The following UBR2 variants were observed in gnomAD, a reference collection of about 807,000 sequenced individuals.
UBR2 encodes the protein ubiquitin protein ligase E3 component n-recognin 2, also known as E3 ubiquitin-protein ligase UBR2.
UBR2 carries 92 observed loss-of-function variants against 247.9 expected under a neutral mutation model. That is an observed-to-expected ratio of 0.37 (90% confidence interval 0.31 to 0.44). The LOEUF (loss-of-function observed/expected upper bound fraction) is 0.44, where lower values mean the gene tolerates loss of function less well. Among genes scored for constraint, UBR2 ranks in the 20% least tolerant of loss-of-function variants. The probability of loss-of-function intolerance (pLI) is 1.00; values close to 1 mark genes in which losing one functional copy is unlikely to be tolerated. For synonymous variants in UBR2, 672 were observed against 693.5 expected (o/e 0.97, Z 0.49); for missense variants, 1,613 against 2,112.6 (o/e 0.76, Z 4.64).
rs1236290639 is a variant in UBR2 at position 42,691,669 on chromosome 6, T to C, written c.*496T>C. On this transcript the variant is annotated 3_prime_UTR_variant, in exon 47 of 47. Transcript: ENST00000372901. ...GCAAAGTGGTTGATTTTGAAGGCAG[T>C]GTTCCCTTCTCTCCATTGACTATGA... 6.0e-6 allele frequency: 1 copy of C among 166,460 alleles called. No individual in the cohort carries two copies. The highest frequency in any genetic ancestry group is 1.3e-5 in the Non-Finnish European group (1 of 78,274). The allele number at this position is 166,460 out of a possible 1,614,324, so 10.3% of individuals were successfully genotyped here.
intron 11 of UBR2, among the ~76,000 whole-genome samples, chr6:42,629,457 C>T (rs1795562362): frequency 6.6e-6 from 1 of 152,120 alleles, no homozygotes; most frequent in Non-Finnish European, 1.5e-5. Context: ...ACTTCAAGAT[C>T]AGCCTAGACA....
chr6:42,682,036 T>C (rs1403739706), intron 42 of UBR2, among the ~76,000 whole-genome samples: 1 of 152,184 alleles, frequency 6.6e-6, no homozygotes, highest in Non-Finnish European at 1.5e-5. Context: ...ATTACGCCAC[T>C]GCACTCCAGC....
intron 15 of UBR2, among the ~76,000 whole-genome samples, chr6:42,639,876 T>A (rs1796316066): frequency 6.6e-6 from 1 of 151,828 alleles, no homozygotes; most frequent in Non-Finnish European, 1.5e-5. Context: ...AAAGCCTCTT[T>A]TATTAGCCGG....
chr6:42,573,718 T>C lies in UBR2; in HGVS notation c.79-16T>C, dbSNP rs768902473. 3 of 1,497,196 alleles carry C rather than the reference T, an allele frequency of 2.0e-6. No individual in the cohort carries two copies. The highest frequency in any genetic ancestry group is 2.7e-6 in the Non-Finnish European group (3 of 1,119,762). The allele number at this position is 1,497,196 out of a possible 1,614,324, so 92.7% of individuals were successfully genotyped here. On this transcript the variant is annotated splice_polypyrimidine_tract_variant and intron_variant, in intron 1 of 46. Coordinates refer to ENST00000372901, the MANE Select transcript of UBR2 (RefSeq NM_001363705.2). ...TTGGTGTTTAAAACCATTTCTTCTC[T>C]TTTCTTCTTTTAAAGAAATGGCTGC...
At chr6:42,632,085 T>TAC (rs1394893568) in intron 11 of UBR2, among the ~76,000 whole-genome samples, 1 of 145,526 alleles carries the variant, frequency 6.9e-6, no homozygotes, top group African/African-American at 2.5e-5. Flanking sequence ...TATATATATA[T>TAC]ATATATGTAC....
At chr6:42,667,272 G>A (rs1275021856) in intron 34 of UBR2, among the ~76,000 whole-genome samples, 1 of 151,380 alleles carries the variant, frequency 6.6e-6, no homozygotes, top group Admixed American at 6.6e-5. Context: ...GGAGGCAGAG[G>A]TTGCAATGAG....
intron 4 of UBR2, among the ~76,000 whole-genome samples, chr6:42,598,332 G>C (rs1228401670): frequency 6.6e-6 from 1 of 152,138 alleles, no homozygotes; most frequent in Non-Finnish European, 1.5e-5. Flanking sequence ...AAATTTTAAC[G>C]TAGTATTTGT....
intron 4 of UBR2, among the ~76,000 whole-genome samples, chr6:42,595,896 C>T (rs894818747): frequency 1.3e-5 from 2 of 151,666 alleles, no homozygotes; most frequent in Admixed American, 6.6e-5. Flanking sequence ...TAATTTGCTA[C>T]AGTAAGATGC....
rs2151967314 is a variant in UBR2 at position 42,652,540 on chromosome 6, G to C, written c.2664G>C (p.Leu888=). Residue 888 remains leucine (L), a synonymous_variant, in exon 25 of 47, where the codon CTG becomes CTC. Transcript: ENST00000372901. ...CATTCTGCCCTCTGTTTGCAAGCCT[G>C]GTTAACATTTTGCAGTCAGATGTCA... is the stretch of plus-strand genomic sequence containing the variant. The part of the protein sequence containing the change: ...LPPFCPLFAS[L]VNILQSDVML... The C allele has an allele frequency of 6.2e-7, 1 of 1,613,074 alleles. No homozygotes were observed. Among genetic ancestry groups the C allele is most frequent in the East Asian group, 2.2e-5 (1 of 44,802 alleles).
At chr6:42,664,968 T>C (rs1798025778) in intron 32 of UBR2, among the ~76,000 whole-genome samples, 1 of 152,188 alleles carries the variant, frequency 6.6e-6, no homozygotes. Context: ...GGGACAATAA[T>C]AAAACCTATT....
intron 25 of UBR2, among the ~76,000 whole-genome samples, chr6:42,655,078 A>C (rs780445464): frequency 2.4e-4 from 36 of 152,192 alleles, no homozygotes; most frequent in East Asian, 3.8e-4. Flanking sequence ...GCTTACCCTG[A>C]GGATTTGCAA....
chr6:42,639,849 T>C (rs760264731), intron 15 of UBR2, among the ~76,000 whole-genome samples: 39 of 152,080 alleles, frequency 2.6e-4, no homozygotes, highest in Admixed American at 5.2e-4. Context: ...TGATAACAGA[T>C]TCATGAGAAG....
chr6:42,657,234 CA>C (rs35892798), intron 26 of UBR2, among the ~76,000 whole-genome samples: 26,247 of 88,048 alleles, frequency 0.3, 2,697 homozygotes, highest in East Asian at 0.5. Flanking sequence ...GACTCTGTCT[CA>C]AAAAAAAAAA....
intron 3 of UBR2, 102 bp from the exon 4 acceptor site, chr6:42,594,089 A>G: frequency 1.2e-6 from 1 of 802,970 alleles, no homozygotes; most frequent in Admixed American, 3.0e-5. Flanking sequence ...GAAATTAAAC[A>G]CTTAAGCAAT....
At chr6:42,676,916 C>A in intron 40 of UBR2, 43 bp downstream of exon 40, 4 of 1,449,194 alleles carry the variant, frequency 2.8e-6, no homozygotes, top group Non-Finnish European at 3.9e-6. Context: ...CTAAATATTG[C>A]TAGATGATGA....
At chr6:42,620,606 T>C (rs1380057584) in intron 11 of UBR2, among the ~76,000 whole-genome samples, 6 of 146,434 alleles carry the variant, frequency 4.1e-5, no homozygotes, top group Admixed American at 1.4e-4. Context: ...TGGGACTACA[T>C]GCGTGCCCAG....
intron 1 of UBR2, among the ~76,000 whole-genome samples, chr6:42,572,641 C>T (rs1791235757): frequency 6.6e-6 from 1 of 151,278 alleles, no homozygotes; most frequent in East Asian, 1.9e-4. Flanking sequence ...TTTCAACTCA[C>T]TTCCCCTTCC....
At chr6:42,636,182 G>C (rs77433510) in intron 14 of UBR2, among the ~76,000 whole-genome samples, 2 of 109,824 alleles carry the variant, frequency 1.8e-5, no homozygotes, top group African/African-American at 3.5e-5. Flanking sequence ...TTTTTTTTTT[G>C]TTTTTTTTTT....
chr6:42,652,015 T>C lies in UBR2; in HGVS notation c.2566-8T>C. ...ATTCCCGGTCCAAATAACTTTATTT[T>C]TTATTAGGCAGAAGAAGCGCAACGG... is the stretch of plus-strand genomic sequence containing the variant. On this transcript the variant is annotated splice_polypyrimidine_tract_variant and splice_region_variant and intron_variant, in intron 23 of 46. Coordinates refer to ENST00000372901, the MANE Select transcript of UBR2 (RefSeq NM_001363705.2). The C allele has an allele frequency of 6.3e-7, 1 of 1,585,778 alleles. No individual in the cohort carries two copies. The highest frequency in any genetic ancestry group is 8.5e-7 in the Non-Finnish European group (1 of 1,170,608).
Sources: allele counts gnomAD v4.1 joint callset (sites outside exome capture counted in the v4.1 genomes callset), GRCh38; gene constraint gnomAD v4.1.1; transcripts MANE v1.5; gene names NCBI Gene and HGNC (gene_info 2026-07-23, HGNC 2026-07-21).